NFATC1: variants seen among roughly 807,000 people sequenced by gnomAD.
NFATC1 encodes nuclear factor of activated T cells 1.
NFATC1 carries 22 observed loss-of-function variants against 76.0 expected under a neutral mutation model. The ratio of observed to expected loss-of-function variants is 0.29; its 90% confidence interval spans 0.21 to 0.41. The LOEUF is 0.41. NFATC1 is among the 10% of genes least tolerant of loss of function. The pLI is 1.00. For missense variants in NFATC1, 1,357 were observed against 1,337.7 expected, an observed-to-expected ratio of 1.01 and a Z score of -0.23; for synonymous variants, 704 against 613.1, an observed-to-expected ratio of 1.15 and a Z score of -2.19.
chr18:79,490,049 C>T (rs1367809723), intron 9 of NFATC1, among the ~76,000 whole-genome samples: 1 of 152,216 alleles, frequency 6.6e-6, no homozygotes, highest in Non-Finnish European at 1.5e-5. Context: ...GCAGTTAGGG[C>T]TTCAGGCAGC....
chr18:79,437,888 C>T (rs778796053), intron 3 of NFATC1, among the ~76,000 whole-genome samples: 5 of 152,236 alleles, frequency 3.3e-5, no homozygotes, highest in East Asian at 1.9e-4. Context: ...CTGCTCACCT[C>T]GGTATGTAGG....
chr18:79,464,648 T>TTG (rs140357862), intron 7 of NFATC1, among the ~76,000 whole-genome samples: 3,106 of 131,626 alleles, frequency 0.024, 162 homozygotes, highest in African/African-American at 0.077. Context: ...ATATATGTGT[T>TTG]TGTGTGTGTG....
intron 3 of NFATC1, among the ~76,000 whole-genome samples, chr18:79,436,351 C>T (rs1333211081): frequency 6.6e-6 from 1 of 152,228 alleles, no homozygotes; most frequent in East Asian, 1.9e-4. Context: ...AAATGCTGTT[C>T]TCTTCGTTGT....
intron 6 of NFATC1, among the ~76,000 whole-genome samples, chr18:79,458,685 C>T (rs1218944263): frequency 6.6e-6 from 1 of 152,254 alleles, no homozygotes. Context: ...AAGGCCCTTT[C>T]AGGACCGGCT....
chr18:79,509,758 A>G (rs927136849), intron 9 of NFATC1, among the ~76,000 whole-genome samples: 1 of 152,258 alleles, frequency 6.6e-6, no homozygotes, highest in Non-Finnish European at 1.5e-5. Context: ...CAGCTCACGG[A>G]CCAGGGAGGG....
rs563678610 is a variant in NFATC1, at chr18:79,406,038, C to G, written c.128-4365C>G. Among the ~76,000 whole-genome samples the G allele has an allele frequency of 3.3e-5, 5 of 152,322 alleles. No homozygotes were observed. The East Asian group carries it at 9.7e-4, about 29-fold the overall frequency. ...TTTCCTGCCCCGTTTCATCTAGAAC[C>G]TTCCGGTGATCTGGCTCTAGTACCC... On this transcript the variant is annotated intron_variant, in intron 1 of 9. Coordinates refer to ENST00000427363, the MANE Select transcript of NFATC1 (RefSeq NM_001278669.2).
intron 7 of NFATC1, among the ~76,000 whole-genome samples, chr18:79,467,069 C>G (rs1039855359): frequency 1.3e-5 from 2 of 152,246 alleles, no homozygotes; most frequent in African/African-American, 2.4e-5. Flanking sequence ...GCTTCTTTCC[C>G]CATATTGACA....
chr18:79,432,580 G>A (rs1216520932), intron 2 of NFATC1, among the ~76,000 whole-genome samples: 1 of 152,234 alleles, frequency 6.6e-6, no homozygotes, highest in African/African-American at 2.4e-5. Context: ...AGGAGGCTGG[G>A]CCGGGGCTGC....
intron 2 of NFATC1, among the ~76,000 whole-genome samples, chr18:79,422,982 G>T (rs1014112581): frequency 1.3e-5 from 2 of 151,756 alleles, no homozygotes; most frequent in East Asian, 3.9e-4. Flanking sequence ...CCCATCCGGG[G>T]CAGGGCAGGG....
intron 6 of NFATC1, among the ~76,000 whole-genome samples, chr18:79,456,044 C>T (rs761683322): frequency 2.0e-5 from 3 of 152,192 alleles, no homozygotes; most frequent in Non-Finnish European, 2.9e-5. Context: ...GCCATGGGAC[C>T]GTGACCGGTG....
intron 8 of NFATC1, among the ~76,000 whole-genome samples, chr18:79,479,380 C>T (rs2089196039): frequency 6.6e-6 from 1 of 152,246 alleles, no homozygotes; most frequent in African/African-American, 2.4e-5. Flanking sequence ...TGCGGCCCCC[C>T]TCCACGGGTG....
At chr18:79,521,762 CTGTG>C (rs1371135496) in intron 9 of NFATC1, among the ~76,000 whole-genome samples, 1 of 44,842 alleles carries the variant, frequency 2.2e-5, no homozygotes. Context: ...ATGTGTGTGT[CTGTG>C]TGTGTGTGGG....
Position 79,433,595 on chromosome 18 carries a change from C to A in NFATC1, c.1243C>A (p.Leu415Met). The change falls in exon 3 of 10, where the codon CTG becomes ATG. Residue 415 changes from leucine to methionine, a missense_variant. This residue lies in a region of NFATC1 where 691 missense variants were observed against 613.1 expected (regional missense o/e 1.13). Transcript: ENST00000427363. Reference protein sequence around the residue: ...TSYMSPTLPALDWQLPSHSGP... With the variant: ...TSYMSPTLPAMDWQLPSHSGP... ...CCCTTCCAGCCCGACCCTGCCCGCCCTGGACTGGCAGCTGCCGTCCCACTC... is the reference window on the plus strand; with the variant it reads ...CCCTTCCAGCCCGACCCTGCCCGCCATGGACTGGCAGCTGCCGTCCCACTC... 1 of 1,613,310 alleles carries A rather than the reference C, an allele frequency of 6.2e-7. No homozygotes were observed. Among genetic ancestry groups the A allele is most frequent in the Non-Finnish European group, 8.5e-7 (1 of 1,179,950 alleles).
At chr18:79,485,099 C>T (rs374978594) in intron 8 of NFATC1, among the ~76,000 whole-genome samples, 16 of 152,334 alleles carry the variant, frequency 1.1e-4, no homozygotes, top group East Asian at 9.6e-4. Flanking sequence ...CTGTTTGCAC[C>T]GGGAGCCTGT....
intron 8 of NFATC1, among the ~76,000 whole-genome samples, chr18:79,478,153 G>T (rs2089151214): frequency 7.6e-6 from 1 of 131,642 alleles, no homozygotes; most frequent in South Asian, 2.5e-4. Flanking sequence ...TCCCTGTGCT[G>T]CAGACAGAGC....
intron 2 of NFATC1, among the ~76,000 whole-genome samples, chr18:79,416,474 C>CTGTCCAGACCTCTG (rs75013554): frequency 2.6e-5 from 4 of 151,826 alleles, no homozygotes; most frequent in African/African-American, 7.3e-5. Flanking sequence ...TGGAGCCAGA[C>CTGTCCAGACCTCTG]TGTCCGCGGG....
At chr18:79,474,602 GCTCA>G (rs2088960824) in intron 8 of NFATC1, among the ~76,000 whole-genome samples, 1 of 145,484 alleles carries the variant, frequency 6.9e-6, no homozygotes, top group Admixed American at 6.8e-5. Flanking sequence ...GTGTTCTCAC[GCTCA>G]CTGTTGACGT....
intron 9 of NFATC1, among the ~76,000 whole-genome samples, chr18:79,519,277 C>G (rs957266675): frequency 6.6e-6 from 1 of 152,164 alleles, no homozygotes. Context: ...TCTGAAAAAC[C>G]CTTACAAGGC....
rs542069383 is a variant in NFATC1, at chr18:79,447,309, G to A, written c.1387-1473G>A. ...GCTCCCCCGCCTTCTCCCTCGCCTC[G>A]CTGGCCCTGAGTGGGCAGCAGGCAT... On this transcript the variant is annotated intron_variant, in intron 3 of 9. Transcript: ENST00000427363. Among the ~76,000 whole-genome samples the A allele has an allele frequency of 7.2e-5, 11 of 152,310 alleles. No homozygotes were observed. In the South Asian group the frequency reaches 2.3e-3, roughly 32 times the overall value.
Sources: allele counts gnomAD v4.1 joint callset (sites outside exome capture counted in the v4.1 genomes callset), GRCh38; gene constraint gnomAD v4.1.1; regional missense constraint gnomAD v4.1.1; transcripts MANE v1.5; gene names NCBI Gene and HGNC (gene_info 2026-07-23, HGNC 2026-07-21).